Variants in CASK observed in about 807,000 individuals in gnomAD.
CASK encodes calcium/calmodulin dependent serine protein kinase, also known as peripheral plasma membrane protein CASK.
Under a neutral mutation model 82.9 loss-of-function variants are expected in CASK, and 4 were observed. The observed-to-expected ratio is 0.05, with a 90% CI of 0.02 to 0.11. CASK has a LOEUF of 0.11. Among genes scored for constraint, CASK ranks in the 10% least tolerant of loss-of-function variants. CASK has a pLI of 1.00. For missense variants in CASK, 358 were observed against 720.9 expected (o/e 0.50, Z 5.76); for synonymous variants, 259 against 253.5 (o/e 1.02, Z -0.20).
intron 2 of CASK, among the ~76,000 whole-genome samples, chrX:41,795,181 A>C (rs2069824943): frequency 8.9e-6 from 1 of 112,717 alleles, no homozygotes; most frequent in Non-Finnish European, 1.9e-5. Flanking sequence ...AGTATAAAAC[A>C]AATTTATCGT....
chrX:41,894,027 A>G (rs998348426), intron 1 of CASK, among the ~76,000 whole-genome samples: 6 of 112,102 alleles, frequency 5.4e-5, no homozygotes, highest in Non-Finnish European at 1.1e-4. Flanking sequence ...GCCCATACAG[A>G]AGAAAAAAAG....
chrX:41,698,685 T>C (rs1263819092), intron 5 of CASK, among the ~76,000 whole-genome samples: 1 of 111,856 alleles, frequency 8.9e-6, no homozygotes, highest in Non-Finnish European at 1.9e-5. Flanking sequence ...TCCAGTTCTT[T>C]GGTCATACAC....
intron 11 of CASK, among the ~76,000 whole-genome samples, chrX:41,621,446 T>C (rs1298910454): frequency 8.9e-6 from 1 of 112,146 alleles, no homozygotes; most frequent in African/African-American, 3.2e-5. Flanking sequence ...TGCCATGCTG[T>C]GAACAGCCAG....
chrX:41,803,809 C>T (rs2070054435), intron 2 of CASK, among the ~76,000 whole-genome samples: 1 of 111,436 alleles, frequency 9.0e-6, no homozygotes, highest in South Asian at 3.7e-4. Flanking sequence ...AAGGCAATAA[C>T]TGATGATATC....
intron 2 of CASK, among the ~76,000 whole-genome samples, chrX:41,837,132 A>G: frequency 8.9e-6 from 1 of 112,219 alleles, no homozygotes; most frequent in East Asian, 2.8e-4. Context: ...CATACAGTTC[A>G]TAAGGGAAAC....
At chrX:41,526,653 C>T (rs757826740) in intron 25 of CASK, among the ~76,000 whole-genome samples, 6 of 111,879 alleles carry the variant, frequency 5.4e-5, no homozygotes, top group Non-Finnish European at 1.1e-4. Flanking sequence ...CTTATGTCTA[C>T]GAATCAGGTT....
Position 41,580,076 on chromosome X carries a change from T to G in CASK, c.1315-1548A>C, listed in dbSNP as rs576344357. 2.4e-4 allele frequency among the ~76,000 whole-genome samples: 27 copies of G among 111,829 alleles called. 1 individual carries two copies. In the South Asian group the frequency reaches 0.01, roughly 42 times the overall value. ...GACCTTGGCTTCCTCACCAGTGCCCTAACTGCACCTTGTACTGGTACTCCT... is the reference window on the plus strand; with the variant it reads ...GACCTTGGCTTCCTCACCAGTGCCCGAACTGCACCTTGTACTGGTACTCCT... On this transcript the variant is annotated intron_variant, in intron 14 of 26. Transcript: ENST00000378163.
At chrX:41,727,169 C>T in intron 5 of CASK, 1 of 1,205,943 alleles carries the variant, frequency 8.3e-7, no homozygotes, top group East Asian at 3.0e-5. Context: ...GGTAAAAAAA[C>T]ATCAACGCAC....
At chrX:41,687,036 C>G (rs2067453610) in intron 5 of CASK, among the ~76,000 whole-genome samples, 1 of 111,736 alleles carries the variant, frequency 8.9e-6, no homozygotes. Context: ...CTGGTGGTAG[C>G]TGTGCTGACT....
chrX:41,579,633 A>G (rs2065539146), intron 14 of CASK, among the ~76,000 whole-genome samples: 1 of 112,074 alleles, frequency 8.9e-6, no homozygotes, highest in South Asian at 3.6e-4. Flanking sequence ...CAAAGATTAT[A>G]TTTTCTTATG....
In CASK at chrX:41,519,588, T is replaced by C. The variant is rs2064607252; in HGVS notation, c.*832A>G. ...AATCAGTTTCTTTTTTTTTATAAAGTTGCCCAAAATGCAAGGGATGTGCAT... is the reference window on the plus strand; with the variant it reads ...AATCAGTTTCTTTTTTTTTATAAAGCTGCCCAAAATGCAAGGGATGTGCAT... On this transcript the variant is annotated 3_prime_UTR_variant, in exon 27 of 27. Coordinates refer to ENST00000378163, the MANE Select transcript of CASK (RefSeq NM_001367721.1). 1 of 110,992 alleles carries C rather than the reference T, an allele frequency of 9.0e-6. No homozygotes were observed. The highest frequency in any genetic ancestry group is 9.6e-5 in the Admixed American group (1 of 10,413). The allele number at this position is 110,992 out of a possible 1,213,427, so 9.1% of individuals were successfully genotyped here.
intron 3 of CASK, among the ~76,000 whole-genome samples, chrX:41,772,345 CAAAAAAAAAAAA>C (rs761427437): frequency 3.8e-5 from 1 of 26,356 alleles, no homozygotes; most frequent in Non-Finnish European, 5.8e-5. Flanking sequence ...GACTCTGTCT[CAAAAAAAAAAAA>C]AAAAAAAAAA....
rs1211296708 is a variant in CASK at position 41,805,139 on chromosome X, T to C, written c.173-17856A>G. On this transcript the variant is annotated intron_variant, in intron 2 of 26. Coordinates refer to ENST00000378163, the MANE Select transcript of CASK (RefSeq NM_001367721.1). Reference sequence around the variant, plus strand: ...AAACAGACTACTGGAAACAACTCCCTTTTAAAATTCTCAGTTTTGCCCTTT... The same window carrying C: ...AAACAGACTACTGGAAACAACTCCCCTTTAAAATTCTCAGTTTTGCCCTTT... 3.6e-5 allele frequency among the ~76,000 whole-genome samples: 4 copies of C among 112,229 alleles called. No homozygotes were observed. The East Asian group carries it at 1.1e-3, about 31-fold the overall frequency.
chrX:41,807,855 G>T (rs774872841), intron 2 of CASK, among the ~76,000 whole-genome samples: 1 of 111,448 alleles, frequency 9.0e-6, no homozygotes, highest in African/African-American at 3.3e-5. Context: ...ATGTATGTAT[G>T]TATTTATTTA....
In CASK at chrX:41,621,196, T is replaced by C. The variant is rs372488203; in HGVS notation, c.1033+1421A>G. Among the ~76,000 whole-genome samples, 13 of 110,837 alleles carry C rather than the reference T, an allele frequency of 1.2e-4. 1 individual carries two copies. In the East Asian group the frequency reaches 2.8e-3, roughly 24 times the overall value. On this transcript the variant is annotated intron_variant, in intron 11 of 26. Coordinates refer to ENST00000378163, the MANE Select transcript of CASK (RefSeq NM_001367721.1). ...ATTTTAATAGTTATTAATTTGTACG[T>C]GGTGGGCAGCCTCTAAGATGGGCCC... is the stretch of plus-strand genomic sequence containing the variant.
At chrX:41,707,471 C>T (rs772360301) in intron 5 of CASK, among the ~76,000 whole-genome samples, 1 of 112,158 alleles carries the variant, frequency 8.9e-6, no homozygotes, top group South Asian at 3.7e-4. Flanking sequence ...GAGTCTAGAA[C>T]AAATTGCAGA....
chrX:41,772,775 G>T (rs1014894855), intron 3 of CASK, among the ~76,000 whole-genome samples: 1 of 111,047 alleles, frequency 9.0e-6, no homozygotes, highest in Admixed American at 9.6e-5. Flanking sequence ...CGAGGCGGGC[G>T]GATCACCTGA....
intron 2 of CASK, among the ~76,000 whole-genome samples, chrX:41,807,009 C>A (rs929319084): frequency 9.0e-6 from 1 of 111,143 alleles, no homozygotes; most frequent in African/African-American, 3.3e-5. Context: ...ATAAAAAACC[C>A]CCAAAAATCA....
At chrX:41,521,527 C>T (rs2064636943) in intron 26 of CASK, among the ~76,000 whole-genome samples, 2 of 112,012 alleles carry the variant, frequency 1.8e-5, no homozygotes, top group African/African-American at 3.2e-5. Flanking sequence ...AGTTTAGGGT[C>T]CCAGCTTTGT....
Sources: gnomAD v4.1 joint callset for allele counts (sites outside exome capture counted in the v4.1 genomes callset) on GRCh38, gnomAD v4.1.1 for gene constraint, MANE v1.5 for transcripts, NCBI Gene and HGNC (gene_info 2026-07-23, HGNC 2026-07-21) for gene names.